The following GOLGA3 variants were observed in gnomAD, a reference collection of about 807,000 sequenced individuals.
GOLGA3 encodes golgin A3, also known as golgin subfamily A member 3.
GOLGA3 carries 75 observed loss-of-function variants against 169.4 expected under a neutral mutation model. The observed-to-expected ratio is 0.44, with a 90% CI of 0.37 to 0.54. The LOEUF is 0.54. GOLGA3 is among the 20% of genes least tolerant of loss of function. The probability of loss-of-function intolerance (pLI) is 0.00; values close to 1 mark genes in which losing one functional copy is unlikely to be tolerated. For synonymous variants in GOLGA3, 824 were observed against 822.4 expected (o/e 1.00, Z -0.03); for missense variants, 1,899 against 1,930.0 (o/e 0.98, Z 0.30).
chr12:132,787,508 C>T (rs2045960486), intron 13 of GOLGA3, among the ~76,000 whole-genome samples: 1 of 146,126 alleles, frequency 6.8e-6, no homozygotes, highest in Non-Finnish European at 1.5e-5. Context: ...CCCCACAAGC[C>T]CCTGGATCCC....
chr12:132,778,886 T>C (rs1160669739), intron 18 of GOLGA3, among the ~76,000 whole-genome samples: 1 of 143,590 alleles, frequency 7.0e-6, no homozygotes, highest in Non-Finnish European at 1.5e-5. Flanking sequence ...AAAGTGAGAC[T>C]CCGTCTGAAA....
chr12:132,797,476 C>T (rs1371373881), intron 9 of GOLGA3, among the ~76,000 whole-genome samples: 3 of 152,112 alleles, frequency 2.0e-5, no homozygotes, highest in Non-Finnish European at 2.9e-5. Flanking sequence ...TTTGGGAGGC[C>T]GAGGCAGGCG....
At chr12:132,786,889 C>T in intron 13 of GOLGA3, 102 bp from the exon 14 acceptor site, 1 of 816,730 alleles carries the variant, frequency 1.2e-6, no homozygotes. Context: ...ACTGCTCAGG[C>T]TCGCCCTGGA....
rs575089567 is a variant in GOLGA3 at position 132,786,521 on chromosome 12, G to A, written c.2941C>T (p.Leu981=). ...TGGGCGCTGGTCAAGTCTGAGCCCA[G>A]CCGCCTCATCTTCTGCTTCTGTTCC... ...ITEQKQKMRR[L]GSDLTSAQKE... Residue 981 remains leucine, a synonymous_variant, in exon 15 of 24, where the codon CTG becomes TTG. Transcript: ENST00000450791. 2 of 1,613,402 alleles carry A rather than the reference G, an allele frequency of 1.2e-6. No homozygotes were observed. The highest frequency in any genetic ancestry group is 2.7e-5 in the African/African-American group (2 of 74,972).
intron 8 of GOLGA3, 60 bp from the exon 9 acceptor site, chr12:132,798,537 A>T: frequency 6.6e-7 from 1 of 1,523,748 alleles, no homozygotes; most frequent in South Asian, 1.2e-5. Flanking sequence ...AATGCAGACC[A>T]GCCTGTCCCT....
At chr12:132,806,603 C>G (rs925915206) in intron 6 of GOLGA3, among the ~76,000 whole-genome samples, 3 of 152,240 alleles carry the variant, frequency 2.0e-5, no homozygotes, top group Non-Finnish European at 4.4e-5. Context: ...CACCTCAGGG[C>G]CTGGGTGCAT....
intron 18 of GOLGA3, among the ~76,000 whole-genome samples, chr12:132,778,670 G>T: frequency 6.6e-6 from 1 of 151,734 alleles, no homozygotes; most frequent in East Asian, 1.9e-4. Flanking sequence ...GCCAAGGCGG[G>T]CAGGTCATCA....
intron 1 of GOLGA3, chr12:132,826,239 C>CAA: frequency 2.2e-5 from 22 of 983,022 alleles, no homozygotes; most frequent in Middle Eastern, 3.8e-4. Context: ...TTCTCATTCT[C>CAA]CAAAAAAAAA....
chr12:132,814,023 CT>C (rs34633724), intron 3 of GOLGA3, among the ~76,000 whole-genome samples: 44,515 of 102,756 alleles, frequency 0.43, 8,948 homozygotes, highest in East Asian at 0.67. Flanking sequence ...CGCGCCCGGC[CT>C]TTTTTTTTTT....
chr12:132,788,603 G>A (rs1280265685), intron 13 of GOLGA3, among the ~76,000 whole-genome samples: 1 of 152,140 alleles, frequency 6.6e-6, no homozygotes, highest in South Asian at 2.1e-4. Context: ...CAGCCACGAG[G>A]GACTCCCAGG....
intron 1 of GOLGA3, chr12:132,825,921 CT>C: frequency 2.1e-6 from 2 of 961,996 alleles, no homozygotes; most frequent in Non-Finnish European, 3.4e-6. Context: ...CGGATCCTCT[CT>C]GGCGTGGTGA....
intron 11 of GOLGA3, among the ~76,000 whole-genome samples, chr12:132,795,467 A>C (rs1948785312): frequency 2.0e-5 from 3 of 152,160 alleles, no homozygotes; most frequent in Non-Finnish European, 4.4e-5. Context: ...TCTCTACTAC[A>C]AATACAAAAA....
In GOLGA3 at chr12:132,771,715, G is replaced by A. The variant is rs2044903472; in HGVS notation, c.*1390C>T. On this transcript the variant is annotated 3_prime_UTR_variant, in exon 24 of 24. Transcript: ENST00000450791. ...ACAGGTGCTCCTACACACGAGTACA[G>A]GCGCTCCCACAGACAATGGTAAAGA... 6.6e-6 allele frequency: 1 copy of A among 152,206 alleles called. No homozygotes were observed. The highest frequency in any genetic ancestry group is 1.5e-5 in the Non-Finnish European group (1 of 68,058). 9.4% of individuals were successfully genotyped at this position (152,206 alleles called of 1,614,324 possible). A position where few individuals can be genotyped will look rare whatever the true frequency, so the allele number is the denominator to read the frequency against.
Position 132,776,944 on chromosome 12 carries a change from C to G in GOLGA3, c.3855+14G>C. 6.4e-7 allele frequency: 1 copy of G among 1,570,562 alleles called. No homozygotes were observed. The highest frequency in any genetic ancestry group is 8.6e-7 in the Non-Finnish European group (1 of 1,158,132). ...GAGTCCAGCCCTGCAAGTCCAGCCCCCGTGAACCGTCACCTCTTGGTTTCC... is the reference window on the plus strand; with the variant it reads ...GAGTCCAGCCCTGCAAGTCCAGCCCGCGTGAACCGTCACCTCTTGGTTTCC... On this transcript the variant is annotated intron_variant, in intron 20 of 23. Transcript: ENST00000450791.
chr12:132,777,503 G>A lies in GOLGA3; in HGVS notation c.3722+163C>T, dbSNP rs1266929337. Among the ~76,000 whole-genome samples, 1 of 152,256 alleles carries A rather than the reference G, an allele frequency of 6.6e-6. No homozygotes were observed. ...ACACGGGGCAGTGAGTGAGGCTCAG[G>A]ATTCTGGAGACGGAGGCTGGGTGCC... On this transcript the variant is annotated intron_variant, in intron 19 of 23. Transcript: ENST00000450791. This position sits in a 1 kb window ranked among gnomAD's most constrained non-coding sequence, Gnocchi z 4.7.
chr12:132,821,607 T>TTGAGGC lies in GOLGA3; in HGVS notation c.133+383_133+388dup, dbSNP rs373738576. 6.6e-4 allele frequency among the ~76,000 whole-genome samples: 100 copies of TTGAGGC among 152,154 alleles called. 1 individual carries two copies. Among genetic ancestry groups the TTGAGGC allele is most frequent in the African/African-American group, 1.8e-3 (74 of 41,530 alleles). On this transcript the variant is annotated intron_variant, in intron 2 of 23. Transcript: ENST00000450791. ...GGCTCACACCTGTAATCCCAGCACT[T>TTGAGGC]TGAGGCTGAGGCTGAGGCGGGCGGA...
At chr12:132,776,311 T>C (rs56113537) in intron 21 of GOLGA3, among the ~76,000 whole-genome samples, 2,052 of 91,698 alleles carry the variant, frequency 0.022, no homozygotes, top group African/African-American at 0.043. Context: ...GCGCCTCAGA[T>C]ACAGGTACCT....
At chr12:132,796,462 G>A (rs545454263) in intron 10 of GOLGA3, 77 bp downstream of exon 10, 7 of 1,465,826 alleles carry the variant, frequency 4.8e-6, no homozygotes, top group East Asian at 2.3e-5. Flanking sequence ...AGGACTGCTC[G>A]GTCTCCTTGT....
In GOLGA3 at chr12:132,798,409, C is replaced by T; in HGVS notation, c.1869G>A (p.Gln623=). The T allele has an allele frequency of 6.2e-7, 1 of 1,613,784 alleles. No individual in the cohort carries two copies. Among genetic ancestry groups the T allele is most frequent in the Non-Finnish European group, 8.5e-7 (1 of 1,179,836 alleles). ...TGGACCTGTGCTGAGTTTCCGTCAG[C>T]TGCTGGGACAGGGACACATTCTCGA... ...LKLENVSLSQ[Q]LTETQHRSMK... is the part of the protein sequence containing the mutation. The change falls in exon 9 of 24, where the codon CAG becomes CAA. Residue 623 remains glutamine, a synonymous_variant. Transcript: ENST00000450791.
Sources: allele counts gnomAD v4.1 joint callset (sites outside exome capture counted in the v4.1 genomes callset), GRCh38; gene constraint gnomAD v4.1.1; non-coding constraint Gnocchi (gnomAD v3.1); transcripts MANE v1.5; gene names NCBI Gene and HGNC (gene_info 2026-07-23, HGNC 2026-07-21).